The following PRKCE variants were observed in gnomAD, a reference collection of about 807,000 sequenced individuals.
PRKCE encodes protein kinase C epsilon.
A neutral mutation model predicts 85.4 loss-of-function variants in PRKCE; 16 were observed. The observed-to-expected ratio is 0.19, with a 90% CI of 0.13 to 0.28. PRKCE has a LOEUF of 0.28. Ranked by LOEUF, PRKCE falls within the 10% of genes least tolerant of loss-of-function variation. The pLI is 1.00. For missense variants in PRKCE, 573 were observed against 975.2 expected (o/e 0.59, Z 5.49); for synonymous variants, 388 against 371.5 (o/e 1.04, Z -0.51).
In PRKCE at chr2:46,013,692, T is replaced by C. The variant is rs975818133; in HGVS notation, c.1437+3175T>C. ...GATTGCAATCCTATTAAGATTTCTT[T>C]CATGCTTGTTTAATTATGACATACA... On this transcript the variant is annotated intron_variant, in intron 10 of 14. Transcript: ENST00000306156. Among the ~76,000 whole-genome samples the C allele has an allele frequency of 8.5e-5, 13 of 152,356 alleles. No individual in the cohort carries two copies. In the South Asian group the frequency reaches 2.7e-3, roughly 32 times the overall value.
chr2:46,040,095 C>G (rs192429453), intron 10 of PRKCE, among the ~76,000 whole-genome samples: 3 of 152,166 alleles, frequency 2.0e-5, no homozygotes, highest in African/African-American at 7.2e-5. Flanking sequence ...CTGGAAGTTT[C>G]CTGAAGGCAG....
chr2:46,082,828 T>C (rs1020822184), intron 10 of PRKCE, among the ~76,000 whole-genome samples: 1 of 152,214 alleles, frequency 6.6e-6, no homozygotes, highest in Non-Finnish European at 1.5e-5. Flanking sequence ...AGACTTACGA[T>C]AATAACTGCT....
chr2:46,089,684 C>A (rs1411586436), intron 11 of PRKCE, among the ~76,000 whole-genome samples: 1 of 151,892 alleles, frequency 6.6e-6, no homozygotes, highest in East Asian at 1.9e-4. Context: ...GGCATCCAGC[C>A]CCTCTCCACT....
At chr2:45,696,069 T>C (rs989031429) in intron 1 of PRKCE, among the ~76,000 whole-genome samples, 1 of 150,904 alleles carries the variant, frequency 6.6e-6, no homozygotes, top group Non-Finnish European at 1.5e-5. Context: ...TAGGTATATC[T>C]CCTAATGCTA....
At chr2:45,950,644 A>AGTGTCTAATAG (rs1700556663) in intron 2 of PRKCE, among the ~76,000 whole-genome samples, 1 of 152,128 alleles carries the variant, frequency 6.6e-6, no homozygotes, top group African/African-American at 2.4e-5. Flanking sequence ...GCCCAGGCCA[A>AGTGTCTAATAG]GTGTCTAATA....
chr2:45,717,952 A>G (rs1055494542), intron 1 of PRKCE, among the ~76,000 whole-genome samples: 2 of 152,186 alleles, frequency 1.3e-5, no homozygotes, highest in African/African-American at 2.4e-5. Context: ...CCTTTTATAT[A>G]TGAGCAAAGA....
chr2:45,847,071 C>T (rs997299642), intron 2 of PRKCE, among the ~76,000 whole-genome samples: 1 of 152,238 alleles, frequency 6.6e-6, no homozygotes, highest in Non-Finnish European at 1.5e-5. Flanking sequence ...ACAGAGTAAT[C>T]TATCTGGCAG....
intron 6 of PRKCE, among the ~76,000 whole-genome samples, chr2:45,999,158 T>C (rs1437573702): frequency 1.3e-5 from 2 of 152,206 alleles, no homozygotes; most frequent in African/African-American, 2.4e-5. Context: ...CCTCCACTTA[T>C]TTCTTCACCT....
chr2:46,184,765 C>G lies in PRKCE; in HGVS notation c.2098C>G (p.Gln700Glu), dbSNP rs1312749028. 1 of 1,599,642 alleles carries G rather than the reference C, an allele frequency of 6.3e-7. No individual in the cohort carries two copies. Among genetic ancestry groups the G allele is most frequent in the East Asian group, 2.2e-5 (1 of 44,878 alleles). The change falls in exon 15 of 15, where the codon CAA (glutamine) becomes GAA (glutamate). Residue 700 changes from glutamine (Q) to glutamate (E), a missense_variant. By Grantham distance (29) the Gln-to-Glu change is conservative. Around this residue, in one of 11 missense-constraint regions of PRKCE, gnomAD observed 72 missense variants for 166.0 expected, o/e 0.43. Transcript: ENST00000306156. The surrounding 1 kb of genome is among the most constrained non-coding windows in gnomAD (Gnocchi z 5.0). ...KTKRDVNNFD[Q>E]DFTREEPVLT... Reference sequence around the variant, plus strand: ...CAAAAGAGACGTCAATAATTTTGACCAAGACTTTACCCGGGAAGAGCCGGT... The same window carrying G: ...CAAAAGAGACGTCAATAATTTTGACGAAGACTTTACCCGGGAAGAGCCGGT...
intron 11 of PRKCE, among the ~76,000 whole-genome samples, chr2:46,094,895 T>G (rs1223848519): frequency 6.6e-6 from 1 of 152,176 alleles, no homozygotes; most frequent in Non-Finnish European, 1.5e-5. Flanking sequence ...AAGTCTGAAG[T>G]CAATTGAATT....
At chr2:45,686,444 C>T (rs1572941386) in intron 1 of PRKCE, 1 of 152,048 alleles carries the variant, frequency 6.6e-6, no homozygotes. Context: ...GGTATACATG[C>T]AGAAAGAGAG....
intron 10 of PRKCE, among the ~76,000 whole-genome samples, chr2:46,053,642 G>A (rs1708993317): frequency 1.3e-5 from 2 of 152,046 alleles, no homozygotes; most frequent in Non-Finnish European, 1.5e-5. Flanking sequence ...TTAGCACCGT[G>A]TCCTCGAGGT....
chr2:45,775,021 T>C (rs6753292), intron 1 of PRKCE, among the ~76,000 whole-genome samples: 108,811 of 152,012 alleles, frequency 0.72, 39,065 homozygotes, highest in East Asian at 0.85. Flanking sequence ...CTCTGCCTTC[T>C]GGATGATCTC....
At chr2:45,824,091 AG>A (rs1689749705) in intron 1 of PRKCE, among the ~76,000 whole-genome samples, 1 of 152,204 alleles carries the variant, frequency 6.6e-6, no homozygotes. Flanking sequence ...GCTTTCTATG[AG>A]GGCACAGCCC....
intron 1 of PRKCE, among the ~76,000 whole-genome samples, chr2:45,791,898 C>T (rs1687064797): frequency 6.6e-6 from 1 of 152,190 alleles, no homozygotes; most frequent in South Asian, 2.1e-4. Flanking sequence ...CTCTGGGTCT[C>T]AGTTTTCTTA....
chr2:45,983,855 G>A (rs1048708048), intron 5 of PRKCE, among the ~76,000 whole-genome samples: 3 of 152,042 alleles, frequency 2.0e-5, no homozygotes, highest in African/African-American at 7.3e-5. Context: ...CTGCTGCACA[G>A]AATCCCGTGT....
In PRKCE at chr2:46,001,437, C is replaced by T; in HGVS notation, c.857C>T (p.Thr286Ile). 1 of 1,599,384 alleles carries T rather than the reference C, an allele frequency of 6.3e-7. No homozygotes were observed. The highest frequency in any genetic ancestry group is 8.5e-7 in the Non-Finnish European group (1 of 1,179,722). ...CKMNVHRRCETNVAPNCGVDA... is the reference protein window; with the variant it reads ...CKMNVHRRCEINVAPNCGVDA... The stretch of plus-strand genomic sequence containing the variant: ...ATGAATGTTCACCGTCGATGTGAGA[C>T]CAACGTGGCTCCCAACTGTGGAGTG... The change falls in exon 7 of 15, where the codon ACC (threonine) becomes ATC (isoleucine). Residue 286 changes from threonine (T) to isoleucine (I), a missense_variant. Thr to Ile is a moderately conservative substitution (Grantham distance 89). This residue lies in a region of PRKCE where 55 missense variants were observed against 128.1 expected (regional missense o/e 0.43). Transcript: ENST00000306156. The surrounding 1 kb of genome is among the most constrained non-coding windows in gnomAD (Gnocchi z 4.4).
At chr2:45,733,365 T>C (rs1681755426) in intron 1 of PRKCE, among the ~76,000 whole-genome samples, 1 of 152,216 alleles carries the variant, frequency 6.6e-6, no homozygotes, top group South Asian at 2.1e-4. Context: ...GAGCTTGGGA[T>C]ATGTGAGCAC....
chr2:46,013,124 A>G (rs920291327), intron 10 of PRKCE, among the ~76,000 whole-genome samples: 2 of 152,234 alleles, frequency 1.3e-5, no homozygotes, highest in Non-Finnish European at 2.9e-5. Flanking sequence ...TTTTAACCTC[A>G]TAGAAGGATC....
Sources: gnomAD v4.1 joint callset for allele counts (sites outside exome capture counted in the v4.1 genomes callset) on GRCh38, gnomAD v4.1.1 for gene constraint, gnomAD v4.1.1 regional missense constraint, Gnocchi (gnomAD v3.1) non-coding constraint, MANE v1.5 for transcripts, NCBI Gene and HGNC (gene_info 2026-07-23, HGNC 2026-07-21) for gene names.